Variants in FBXL7 observed in about 807,000 individuals in gnomAD.
The protein encoded by FBXL7 is F-box and leucine rich repeat protein 7, also known as F-box/LRR-repeat protein 7.
Under a neutral mutation model 38.3 loss-of-function variants are expected in FBXL7, and 12 were observed. That is an observed-to-expected ratio of 0.31 (90% CI 0.20 to 0.51). FBXL7 has a LOEUF of 0.51. Ranked by LOEUF, FBXL7 falls within the 20% of genes least tolerant of loss-of-function variation. The probability of loss-of-function intolerance (pLI) is 0.98; values close to 1 mark genes in which losing one functional copy is unlikely to be tolerated. For missense variants in FBXL7, 567 were observed against 676.4 expected, an observed-to-expected ratio of 0.84 and a Z score of 1.79; for synonymous variants, 297 against 300.9, an observed-to-expected ratio of 0.99 and a Z score of 0.13.
At position 15,745,365 on chromosome 5, in the gene FBXL7, ATCTCT is replaced by A. The variant is rs1256981672; in HGVS notation, c.127+129299_127+129303del. Among the ~76,000 whole-genome samples, 5 of 152,190 alleles carry A rather than the reference ATCTCT, an allele frequency of 3.3e-5. No individual in the cohort carries two copies. In the East Asian group the frequency reaches 9.6e-4, roughly 29 times the overall value. ...CAATTTATTTAAGCACTTGTTTTGG[ATCTCT>A]TCTCTGTTAGGCATTCTCTAGATGT... On this transcript the variant is annotated intron_variant, in intron 2 of 3. Transcript: ENST00000504595.
Position 15,936,988 on chromosome 5 carries a change from C to T in FBXL7, c.1278C>T (p.Asn426=), listed in dbSNP as rs1388772446. The T allele has an allele frequency of 6.2e-7, 1 of 1,613,936 alleles. No homozygotes were observed. Among genetic ancestry groups the T allele is most frequent in the Admixed American group, 1.7e-5 (1 of 60,014 alleles). The change falls in exon 4 of 4, where the codon AAC becomes AAT. Residue 426 remains asparagine, a synonymous_variant. Coordinates refer to ENST00000504595, the MANE Select transcript of FBXL7 (RefSeq NM_012304.5). This position sits in a 1 kb window ranked among gnomAD's most constrained non-coding sequence, Gnocchi z 6.0. ...SDTGLECLAL[N]CFNLKRLSLK... ...CGGGCCTGGAGTGCCTGGCCCTGAA[C>T]TGCTTCAACCTCAAGCGGCTCAGCC...
At chr5:15,877,859 C>T (rs887702442) in intron 2 of FBXL7, among the ~76,000 whole-genome samples, 1 of 152,134 alleles carries the variant, frequency 6.6e-6, no homozygotes, top group African/African-American at 2.4e-5. Flanking sequence ...TAACCAGTTA[C>T]CCTCTGAAAA....
intron 1 of FBXL7, among the ~76,000 whole-genome samples, chr5:15,525,208 T>G (rs1737217936): frequency 6.6e-6 from 1 of 152,190 alleles, no homozygotes; most frequent in Non-Finnish European, 1.5e-5. Flanking sequence ...ACCTCCTAAG[T>G]TTTACAAGTG....
At position 15,556,187 on chromosome 5, in the gene FBXL7, A is replaced by G. The variant is rs528407644; in HGVS notation, c.37+55474A>G. Among the ~76,000 whole-genome samples the G allele has an allele frequency of 4.8e-3, 729 of 152,134 alleles. 4 individuals are homozygous for G. Among genetic ancestry groups the G allele is most frequent in the African/African-American group, 0.016 (681 of 41,502 alleles). On this transcript the variant is annotated intron_variant, in intron 1 of 3. Coordinates refer to ENST00000504595, the MANE Select transcript of FBXL7 (RefSeq NM_012304.5). ...GGCTTATGTGACTGTGGAGGCTGGG[A>G]AGTCTCACAGTCTGCCATCTGGGAG...
At position 15,557,007 on chromosome 5, in the gene FBXL7, G is replaced by A. The variant is rs183904229; in HGVS notation, c.37+56294G>A. Among the ~76,000 whole-genome samples, 1,126 of 152,182 alleles carry A rather than the reference G, an allele frequency of 7.4e-3. 12 individuals are homozygous for A. Among genetic ancestry groups the A allele is most frequent in the African/African-American group, 0.026 (1,074 of 41,512 alleles). ...GGCTGGAGTGCGGTGGCGCGATCTC[G>A]GCTCACTGCAAGCTCCGCTTCCTGG... On this transcript the variant is annotated intron_variant, in intron 1 of 3. Coordinates refer to ENST00000504595, the MANE Select transcript of FBXL7 (RefSeq NM_012304.5).
At chr5:15,704,933 A>G (rs1162625365) in intron 2 of FBXL7, among the ~76,000 whole-genome samples, 1 of 151,678 alleles carries the variant, frequency 6.6e-6, no homozygotes, top group East Asian at 2.0e-4. Flanking sequence ...TTCTATGCAT[A>G]GACAGTTCAT....
At chr5:15,641,204 C>T (rs1741358332) in intron 2 of FBXL7, among the ~76,000 whole-genome samples, 1 of 152,168 alleles carries the variant, frequency 6.6e-6, no homozygotes. Context: ...TTTAGGGACT[C>T]CTGGAGTTGA....
intron 2 of FBXL7, among the ~76,000 whole-genome samples, chr5:15,856,719 CTT>C (rs1167570686): frequency 5.3e-5 from 8 of 151,796 alleles, no homozygotes; most frequent in Admixed American, 3.3e-4. Context: ...CTTTCATTCA[CTT>C]TTCCTTCCTT....
chr5:15,856,697 A>AT (rs1475745180), intron 2 of FBXL7, among the ~76,000 whole-genome samples: 1 of 152,018 alleles, frequency 6.6e-6, no homozygotes, highest in African/African-American at 2.4e-5. Flanking sequence ...ATACACATGT[A>AT]TTTTTTTACT....
chr5:15,838,128 T>C (rs1474056300), intron 2 of FBXL7, among the ~76,000 whole-genome samples: 2 of 152,098 alleles, frequency 1.3e-5, no homozygotes, highest in African/African-American at 4.8e-5. Context: ...AAGTGGGAGA[T>C]GTGGATGGAT....
intron 2 of FBXL7, among the ~76,000 whole-genome samples, chr5:15,834,374 C>T (rs1320560164): frequency 6.6e-6 from 1 of 152,056 alleles, no homozygotes; most frequent in Non-Finnish European, 1.5e-5. Flanking sequence ...TCTTCTCTGC[C>T]TATATATTCT....
intron 2 of FBXL7, 152 bp from the exon 3 acceptor site, chr5:15,927,738 G>T: frequency 1.3e-6 from 1 of 753,396 alleles, no homozygotes; most frequent in Non-Finnish European, 1.8e-6. Flanking sequence ...TCACGCCATT[G>T]CACTCCCGCC....
intron 2 of FBXL7, among the ~76,000 whole-genome samples, chr5:15,863,886 T>A (rs1739590415): frequency 6.6e-6 from 1 of 152,192 alleles, no homozygotes; most frequent in African/African-American, 2.4e-5. Context: ...TGGCCCTCAC[T>A]AGATGCCTAA....
At chr5:15,632,037 T>C (rs1197506822) in intron 2 of FBXL7, among the ~76,000 whole-genome samples, 1 of 152,232 alleles carries the variant, frequency 6.6e-6, no homozygotes, top group Non-Finnish European at 1.5e-5. Context: ...CTTGCATGCA[T>C]GCTCTAGGAG....
At chr5:15,593,249 T>A (rs1413166274) in intron 1 of FBXL7, among the ~76,000 whole-genome samples, 1 of 151,800 alleles carries the variant, frequency 6.6e-6, no homozygotes, top group Non-Finnish European at 1.5e-5. Context: ...CTGGGCAGGG[T>A]GCAGTGGCTC....
intron 2 of FBXL7, among the ~76,000 whole-genome samples, chr5:15,814,101 C>A (rs1002826130): frequency 6.6e-6 from 1 of 152,128 alleles, no homozygotes; most frequent in Admixed American, 6.6e-5. Flanking sequence ...TATTGTAAAT[C>A]ATTCTACTAT....
rs545772736 is a variant in FBXL7, at chr5:15,894,005, C to G, written c.128-33885C>G. 9.8e-5 allele frequency among the ~76,000 whole-genome samples: 15 copies of G among 152,318 alleles called. 1 individual carries two copies. Among genetic ancestry groups the G allele is most frequent in the African/African-American group, 3.6e-4 (15 of 41,566 alleles). ...GGCAGCCTTCATAGAATATTAGTCC[C>G]AGCCAGGCGCGGTGGCTTACGCCTG... On this transcript the variant is annotated intron_variant, in intron 2 of 3. Transcript: ENST00000504595.
intron 2 of FBXL7, among the ~76,000 whole-genome samples, chr5:15,668,015 A>G (rs1742342158): frequency 6.6e-6 from 1 of 152,196 alleles, no homozygotes; most frequent in African/African-American, 2.4e-5. Context: ...TATGCAGACT[A>G]GTAAAGATTC....
chr5:15,527,967 T>C (rs926286952), intron 1 of FBXL7, among the ~76,000 whole-genome samples: 1 of 152,242 alleles, frequency 6.6e-6, no homozygotes, highest in African/African-American at 2.4e-5. Context: ...AAAGCCGTTC[T>C]CTTGACATTT....
Sources: allele counts gnomAD v4.1 joint callset (sites outside exome capture counted in the v4.1 genomes callset), GRCh38; gene constraint gnomAD v4.1.1; non-coding constraint Gnocchi (gnomAD v3.1); transcripts MANE v1.5; gene names NCBI Gene and HGNC (gene_info 2026-07-23, HGNC 2026-07-21).